Variants in ARB2A observed in about 807,000 individuals in gnomAD.
The protein encoded by ARB2A is ARB2 cotranscriptional regulator A.
chr5:93,790,678 A>G, the ARB2A span, among the ~76,000 whole-genome samples: 1 of 152,200 alleles, frequency 6.6e-6, no homozygotes, highest in African/African-American at 2.4e-5. Flanking sequence ...GCACGAAGCC[A>G]TGGCTCAGCA....
chr5:93,874,446 A>G, the ARB2A span, among the ~76,000 whole-genome samples: 1 of 152,128 alleles, frequency 6.6e-6, no homozygotes, highest in Admixed American at 6.5e-5. Context: ...CAGGTTAGTA[A>G]ACACACTGAT....
chr5:93,948,771 T>A, the ARB2A span, among the ~76,000 whole-genome samples: 1 of 152,214 alleles, frequency 6.6e-6, no homozygotes, highest in Non-Finnish European at 1.5e-5. Flanking sequence ...TAGGGAATCC[T>A]TTCTCCAGCT....
At chr5:93,734,044 C>G in the ARB2A span, 1 of 151,982 alleles carries the variant, frequency 6.6e-6, no homozygotes, top group Non-Finnish European at 1.5e-5. Flanking sequence ...ATTAAATTAT[C>G]GAAACAGATG....
At chr5:93,784,062 T>C in the ARB2A span, 1 of 178,988 alleles carries the variant, frequency 5.6e-6, no homozygotes, top group South Asian at 1.8e-4. Flanking sequence ...AAATAACTGG[T>C]GGAAAAATTA....
At chr5:93,898,477 T>C in the ARB2A span, among the ~76,000 whole-genome samples, 1 of 152,006 alleles carries the variant, frequency 6.6e-6, no homozygotes, top group African/African-American at 2.4e-5. Context: ...TCAACCTTCC[T>C]TCTCACTTTT....
At chr5:93,788,686 C>T in the ARB2A span, among the ~76,000 whole-genome samples, 1 of 152,228 alleles carries the variant, frequency 6.6e-6, no homozygotes, top group Non-Finnish European at 1.5e-5. Context: ...TCCTTTACTT[C>T]TGCCAAATTG....
the ARB2A span, among the ~76,000 whole-genome samples, chr5:94,012,196 A>C: frequency 6.6e-6 from 1 of 152,052 alleles, no homozygotes; most frequent in Non-Finnish European, 1.5e-5. Context: ...AGGTCAGGAG[A>C]TCAAGACCAT....
chr5:93,775,206 T>C, the ARB2A span, among the ~76,000 whole-genome samples: 1 of 152,214 alleles, frequency 6.6e-6, no homozygotes, highest in Non-Finnish European at 1.5e-5. Context: ...ATTATAACAA[T>C]AGTTCTATAC....
the ARB2A span, among the ~76,000 whole-genome samples, chr5:93,887,145 G>T: frequency 1.3e-5 from 2 of 151,510 alleles, no homozygotes; most frequent in African/African-American, 4.8e-5. Flanking sequence ...GAGTCAGAAG[G>T]TCATGCATGG....
chr5:93,892,476 CTTTTTA>C, the ARB2A span, among the ~76,000 whole-genome samples: 1 of 152,202 alleles, frequency 6.6e-6, no homozygotes, highest in South Asian at 2.1e-4. Flanking sequence ...AATACAATTT[CTTTTTA>C]TAAGATTCTT....
the ARB2A span, among the ~76,000 whole-genome samples, chr5:93,810,403 GGTT>G: frequency 6.6e-6 from 1 of 151,924 alleles, no homozygotes; most frequent in African/African-American, 2.4e-5. Context: ...ATAATGGTTT[GGTT>G]TTGTTTTGCT....
At chr5:93,767,566 C>G in the ARB2A span, among the ~76,000 whole-genome samples, 1 of 152,136 alleles carries the variant, frequency 6.6e-6, no homozygotes. Flanking sequence ...GAAAAAGATA[C>G]TTGCACACAC....
chr5:93,945,414 C>CAAAAA, the ARB2A span, among the ~76,000 whole-genome samples: 3 of 59,948 alleles, frequency 5.0e-5, no homozygotes, highest in Non-Finnish European at 3.5e-5. Context: ...GATTCCATCT[C>CAAAAA]AAAAAAAAAA....
chr5:93,856,536 C>G, the ARB2A span, among the ~76,000 whole-genome samples: 60 of 152,316 alleles, frequency 3.9e-4, no homozygotes, highest in Admixed American at 3.3e-3. Flanking sequence ...TTCATTTCAT[C>G]TTCCATCACT....
At chr5:93,955,281 T>C in the ARB2A span, among the ~76,000 whole-genome samples, 1 of 152,210 alleles carries the variant, frequency 6.6e-6, no homozygotes, top group African/African-American at 2.4e-5. Context: ...AACACTCATA[T>C]ACAACTAGGT....
At chr5:93,657,046 T>G in the ARB2A span, among the ~76,000 whole-genome samples, 12 of 152,274 alleles carry the variant, frequency 7.9e-5, no homozygotes, top group South Asian at 2.3e-3. Flanking sequence ...CTTCCATATG[T>G]CAGAGAGAAG....
the ARB2A span, among the ~76,000 whole-genome samples, chr5:94,084,810 A>C: frequency 1.3e-5 from 2 of 152,208 alleles, no homozygotes; most frequent in African/African-American, 2.4e-5. Flanking sequence ...TAACTGCACA[A>C]TTTTAAAAAA....
chr5:94,110,428 C>T, the ARB2A span, among the ~76,000 whole-genome samples: 1 of 152,160 alleles, frequency 6.6e-6, no homozygotes, highest in Non-Finnish European at 1.5e-5. Flanking sequence ...ACTATTTATT[C>T]TACCATATGG....
At chr5:93,738,926 C>G in the ARB2A span, 3 of 152,108 alleles carry the variant, frequency 2.0e-5, no homozygotes, top group Admixed American at 1.3e-4. Flanking sequence ...AAAATCATTA[C>G]AATGGCAAAT....
Sources: allele counts gnomAD v4.1 joint callset (sites outside exome capture counted in the v4.1 genomes callset), GRCh38; gene constraint gnomAD v4.1.1; transcripts MANE v1.5; gene names NCBI Gene and HGNC (gene_info 2026-07-23, HGNC 2026-07-21).